The following ADAMTS18 variants were observed in gnomAD, a reference collection of about 807,000 sequenced individuals.
ADAMTS18 encodes ADAM metallopeptidase with thrombospondin type 1 motif 18, also known as A disintegrin and metalloproteinase with thrombospondin motifs 18.
ADAMTS18 carries 157 observed loss-of-function variants against 165.9 expected under a neutral mutation model. The ratio of observed to expected loss-of-function variants is 0.95; its 90% CI spans 0.83 to 1.08. The LOEUF (loss-of-function observed/expected upper bound fraction) is 1.08. Among genes scored for constraint, ADAMTS18 ranks in the 50% least tolerant of loss-of-function variants. The pLI is 0.00. For missense variants in ADAMTS18, 2,040 were observed against 1,534.0 expected, an observed-to-expected ratio of 1.33 and a Z score of -5.51; for synonymous variants, 782 against 578.2, an observed-to-expected ratio of 1.35 and a Z score of -5.06.
intron 3 of ADAMTS18, among the ~76,000 whole-genome samples, chr16:77,416,646 C>T (rs1462296665): frequency 6.6e-6 from 1 of 152,172 alleles, no homozygotes; most frequent in Non-Finnish European, 1.5e-5. Context: ...ATCCATTAAA[C>T]CTCTTTCCTT....
At chr16:77,385,415 T>C (rs1368866378) in intron 3 of ADAMTS18, among the ~76,000 whole-genome samples, 1 of 152,218 alleles carries the variant, frequency 6.6e-6, no homozygotes, top group African/African-American at 2.4e-5. Flanking sequence ...AAGCTGGTGC[T>C]GCATAAATAG....
rs1470249057 is a variant in ADAMTS18 at position 77,289,362 on chromosome 16, A to C, written c.3452T>G (p.Val1151Gly). 1.2e-6 allele frequency: 2 copies of C among 1,614,142 alleles called. No individual in the cohort carries two copies. Among genetic ancestry groups the C allele is most frequent in the South Asian group, 2.2e-5 (2 of 91,086 alleles). ...GGVQTRSVHC[V>G]QQGRPSSSCL... is the part of the protein sequence containing the mutation. ...ACTTGAGGAAGGCCGGCCTTGCTGA[A>C]CACAGTGGACTGACCGGGTCTGGAC... The change falls in exon 22 of 23, where the codon GTT becomes GGT. Residue 1151 changes from valine to glycine, a missense_variant. Val to Gly is a moderately radical substitution (Grantham distance 109). Transcript: ENST00000282849.
chr16:77,323,450 G>T (rs1042892488), intron 13 of ADAMTS18, among the ~76,000 whole-genome samples: 3 of 152,080 alleles, frequency 2.0e-5, no homozygotes, highest in African/African-American at 7.2e-5. Flanking sequence ...TTTAATAGCA[G>T]CTTTATTTAA....
At position 77,322,386 on chromosome 16, in the gene ADAMTS18, T is replaced by C. The variant is rs1191056089; in HGVS notation, c.2113A>G (p.Thr705Ala). ...TCATTTTTGTTTGGGGAGCAGGGAG[T>C]TCCATCTTTCACTTTGCCGGACATT... ...FAMSGKVKDG[T>A]PCSPNKNDVC... The change falls in exon 14 of 23, where the codon ACT (threonine) becomes GCT (alanine). Residue 705 changes from threonine to alanine, a missense_variant. Thr to Ala is a moderately conservative substitution (Grantham distance 58). Transcript: ENST00000282849. The C allele has an allele frequency of 1.2e-6, 2 of 1,613,506 alleles. No homozygotes were observed. Among genetic ancestry groups the C allele is most frequent in the Non-Finnish European group, 8.5e-7 (1 of 1,179,874 alleles).
At chr16:77,365,717 G>A (rs1028339685) in intron 4 of ADAMTS18, among the ~76,000 whole-genome samples, 15 of 152,194 alleles carry the variant, frequency 9.9e-5, no homozygotes, top group African/African-American at 3.1e-4. Flanking sequence ...GCTCAGGGAA[G>A]TAACTGTGTA....
At position 77,297,916 on chromosome 16, in the gene ADAMTS18, C is replaced by CTTTT. The variant is rs34422251; in HGVS notation, c.2675-505_2675-502dup. On this transcript the variant is annotated intron_variant, in intron 17 of 22. Transcript: ENST00000282849. ...CCTATCAGCCAGGGCTCTGCTTTTGCTTTTTTTTTTTTTTTTTTTTTTTTT... is the reference window on the plus strand; with the variant it reads ...CCTATCAGCCAGGGCTCTGCTTTTGCTTTTTTTTTTTTTTTTTTTTTTTTTTTTT... Among the ~76,000 whole-genome samples, 27 of 61,560 alleles carry CTTTT rather than the reference C, an allele frequency of 4.4e-4. 1 individual carries two copies. The highest frequency in any genetic ancestry group is 2.8e-3 in the South Asian group (3 of 1,082). The allele number at this position is 61,560 out of a possible 152,430, so 40.4% of individuals were successfully genotyped here.
intron 3 of ADAMTS18, among the ~76,000 whole-genome samples, chr16:77,382,191 C>G (rs1010428070): frequency 1.3e-5 from 2 of 151,732 alleles, no homozygotes; most frequent in African/African-American, 2.4e-5. Context: ...CACTAACAAC[C>G]AGTTTTTGGT....
intron 10 of ADAMTS18, 59 bp downstream of exon 10, chr16:77,353,674 T>G (rs534136479): frequency 1.2e-6 from 2 of 1,610,932 alleles, no homozygotes; most frequent in East Asian, 4.5e-5. Context: ...ACACTTCTGT[T>G]AGGGACACAG....
chr16:77,359,088 T>A (rs1325904462), intron 8 of ADAMTS18, among the ~76,000 whole-genome samples: 1 of 152,152 alleles, frequency 6.6e-6, no homozygotes, highest in African/African-American at 2.4e-5. Flanking sequence ...AGAGACCCCA[T>A]CTGTGCACAC....
Position 77,300,296 on chromosome 16 carries a change from C to G in ADAMTS18, c.2641G>C (p.Val881Leu), listed in dbSNP as rs147244223. 8.7e-6 allele frequency: 14 copies of G among 1,614,086 alleles called. No individual in the cohort carries two copies. In the South Asian group the frequency reaches 1.4e-4, roughly 16 times the overall value. ...TKRPAYTWSI[V>L]QSECSVSCGG... Reference sequence around the variant, plus strand: ...CAGGAGACGGAGCACTCTGACTGCACGATACTCCAGGTATAGGCAGGTCTT... The same window carrying G: ...CAGGAGACGGAGCACTCTGACTGCAGGATACTCCAGGTATAGGCAGGTCTT... Residue 881 changes from valine (V) to leucine (L), a missense_variant, in exon 17 of 23, where the codon GTG becomes CTG. Val to Leu is a conservative substitution (Grantham distance 32, BLOSUM62 1). Coordinates refer to ENST00000282849, the MANE Select transcript of ADAMTS18 (RefSeq NM_199355.4).
rs760998278 is a variant in ADAMTS18, at chr16:77,322,371, T to C, written c.2128A>G (p.Asn710Asp). The C allele has an allele frequency of 1.2e-6, 2 of 1,613,908 alleles. No individual in the cohort carries two copies. Among genetic ancestry groups the C allele is most frequent in the Admixed American group, 1.7e-5 (1 of 59,990 alleles). ...KVKDGTPCSP[N>D]KNDVCIDGVC... Reference sequence around the variant, plus strand: ...CCGTCAATACAAACATCATTTTTGTTTGGGGAGCAGGGAGTTCCATCTTTC... The same window carrying C: ...CCGTCAATACAAACATCATTTTTGTCTGGGGAGCAGGGAGTTCCATCTTTC... Residue 710 changes from asparagine to aspartate, a missense_variant, in exon 14 of 23, where the codon AAC becomes GAC. Coordinates refer to ENST00000282849, the MANE Select transcript of ADAMTS18 (RefSeq NM_199355.4).
intron 3 of ADAMTS18, among the ~76,000 whole-genome samples, chr16:77,424,873 C>G (rs758301880): frequency 2.6e-5 from 4 of 152,168 alleles, no homozygotes; most frequent in African/African-American, 4.8e-5. Context: ...TGTAATTCAA[C>G]AAACCCCTAC....
chr16:77,432,826 G>C (rs907485082), intron 2 of ADAMTS18, among the ~76,000 whole-genome samples: 2 of 150,638 alleles, frequency 1.3e-5, no homozygotes, highest in Admixed American at 6.6e-5. Flanking sequence ...AGATCAATGA[G>C]TGATGGCCTA....
chr16:77,301,788 A>G (rs2055587823), intron 16 of ADAMTS18, among the ~76,000 whole-genome samples: 1 of 152,188 alleles, frequency 6.6e-6, no homozygotes, highest in African/African-American at 2.4e-5. Context: ...TGTACACATC[A>G]GTTTGTAGAG....
intron 13 of ADAMTS18, among the ~76,000 whole-genome samples, chr16:77,322,891 C>T (rs1394714083): frequency 2.0e-5 from 3 of 152,090 alleles, no homozygotes; most frequent in Non-Finnish European, 4.4e-5. Flanking sequence ...AGTTTGATGA[C>T]CCTGATTTAG....
intron 3 of ADAMTS18, among the ~76,000 whole-genome samples, chr16:77,424,262 A>G (rs1273242015): frequency 6.6e-6 from 1 of 152,178 alleles, no homozygotes; most frequent in Non-Finnish European, 1.5e-5. Context: ...TAAGGTTGGG[A>G]GTTCAAGACC....
chr16:77,391,820 G>C (rs2057191584), intron 3 of ADAMTS18, among the ~76,000 whole-genome samples: 2 of 152,156 alleles, frequency 1.3e-5, no homozygotes, highest in Non-Finnish European at 2.9e-5. Flanking sequence ...ATTCATTTTA[G>C]ATCAAGTGAT....
At chr16:77,359,941 G>A (rs1295631745) in intron 7 of ADAMTS18, among the ~76,000 whole-genome samples, 3 of 152,136 alleles carry the variant, frequency 2.0e-5, no homozygotes, top group Non-Finnish European at 4.4e-5. Context: ...ATTTTTCTCT[G>A]GTTCTTTATA....
intron 11 of ADAMTS18, among the ~76,000 whole-genome samples, chr16:77,337,908 C>CTTTTTTTTTTTT (rs10679600): frequency 2.8e-5 from 4 of 140,832 alleles, no homozygotes; most frequent in African/African-American, 1.0e-4. Context: ...CTTTTCTTTT[C>CTTTTTTTTTTTT]TTTTTTTTTT....
Sources: gnomAD v4.1 joint callset for allele counts (sites outside exome capture counted in the v4.1 genomes callset) on GRCh38, gnomAD v4.1.1 for gene constraint, MANE v1.5 for transcripts, NCBI Gene and HGNC (gene_info 2026-07-23, HGNC 2026-07-21) for gene names.